The following MNAT1 variants were observed in gnomAD, a reference collection of about 807,000 sequenced individuals.
MNAT1 encodes the protein MNAT1 component of CDK activating kinase, also known as CDK-activating kinase assembly factor MAT1.
In MNAT1, 43 loss-of-function variants were observed where a neutral mutation model predicts 42.0. That is an observed-to-expected ratio of 1.02 (90% confidence interval 0.80 to 1.32). The LOEUF is 1.32. Among genes scored for constraint, MNAT1 ranks in the 40% most tolerant of loss-of-function variants. The pLI is 0.00. For synonymous variants in MNAT1, 118 were observed against 120.0 expected (o/e 0.98, Z 0.11); for missense variants, 306 against 350.4 (o/e 0.87, Z 1.01).
chr14:60,799,638 G>C (rs963177878), intron 3 of MNAT1, among the ~76,000 whole-genome samples: 2 of 151,774 alleles, frequency 1.3e-5, no homozygotes, highest in Non-Finnish European at 2.9e-5. Flanking sequence ...AGGTTTAGGG[G>C]ATGAACTACA....
chr14:60,802,056 C>G (rs2032219672), intron 3 of MNAT1, among the ~76,000 whole-genome samples: 1 of 152,092 alleles, frequency 6.6e-6, no homozygotes, highest in South Asian at 2.1e-4. Flanking sequence ...TCACTTATAT[C>G]TGGAATCTAA....
intron 5 of MNAT1, among the ~76,000 whole-genome samples, chr14:60,815,498 A>AG (rs929732001): frequency 3.9e-5 from 6 of 152,150 alleles, no homozygotes; most frequent in Non-Finnish European, 5.9e-5. Context: ...TACTGGTGTG[A>AG]GCCACCGCGC....
At chr14:60,967,686 T>G (rs920974550) in intron 7 of MNAT1, among the ~76,000 whole-genome samples, 3 of 152,254 alleles carry the variant, frequency 2.0e-5, no homozygotes, top group Non-Finnish European at 1.5e-5. Flanking sequence ...CTTCAACATG[T>G]AATTTTCTAA....
At chr14:60,781,596 T>G (rs1253102609) in intron 1 of MNAT1, among the ~76,000 whole-genome samples, 1 of 152,282 alleles carries the variant, frequency 6.6e-6, no homozygotes, top group African/African-American at 2.4e-5. Context: ...CCACCACACC[T>G]GGCCTTAAAT....
intron 7 of MNAT1, among the ~76,000 whole-genome samples, chr14:60,916,062 T>G (rs1219695251): frequency 1.3e-5 from 2 of 152,198 alleles, no homozygotes; most frequent in African/African-American, 4.8e-5. Context: ...CAGGTCTTCT[T>G]CCTTAGGAAG....
At chr14:60,856,900 C>T (rs533025616) in intron 6 of MNAT1, among the ~76,000 whole-genome samples, 1 of 152,148 alleles carries the variant, frequency 6.6e-6, no homozygotes, top group African/African-American at 2.4e-5. Context: ...AGGCTGGTCT[C>T]GAACTCCTCA....
intron 3 of MNAT1, among the ~76,000 whole-genome samples, chr14:60,807,742 TCTTTTA>T (rs2032417778): frequency 6.6e-6 from 1 of 152,128 alleles, no homozygotes; most frequent in Non-Finnish European, 1.5e-5. Context: ...CTTAAGAAAT[TCTTTTA>T]CTTTAAGTTT....
At chr14:60,868,954 T>A (rs1284463002) in intron 6 of MNAT1, among the ~76,000 whole-genome samples, 1 of 150,814 alleles carries the variant, frequency 6.6e-6, no homozygotes, top group Non-Finnish European at 1.5e-5. Flanking sequence ...AACGTGATCA[T>A]CTTGCAGTTG....
rs553499320 is a variant in MNAT1, at chr14:60,908,821, T to C, written c.809+28986T>C. Among the ~76,000 whole-genome samples, 296 of 152,252 alleles carry C rather than the reference T, an allele frequency of 1.9e-3. 1 individual carries two copies. The highest frequency in any genetic ancestry group is 6.5e-3 in the African/African-American group (269 of 41,574). ...TCTTTATAGCAGCATGATTTATAAT[T>C]CTTTGGGTATATACCCAGTAATGGG... On this transcript the variant is annotated intron_variant, in intron 7 of 7. Transcript: ENST00000261245.
chr14:60,757,126 A>G (rs1342870763), intron 1 of MNAT1, among the ~76,000 whole-genome samples: 1 of 152,172 alleles, frequency 6.6e-6, no homozygotes, highest in Non-Finnish European at 1.5e-5. Flanking sequence ...GTTGTTCAGA[A>G]ACATAACACA....
At chr14:60,943,964 T>C (rs978500902) in intron 7 of MNAT1, among the ~76,000 whole-genome samples, 4 of 152,232 alleles carry the variant, frequency 2.6e-5, no homozygotes, top group African/African-American at 4.8e-5. Flanking sequence ...AAGTTTTGTA[T>C]ATAGGATGAA....
chr14:60,836,207 T>C (rs1215111082), intron 6 of MNAT1, among the ~76,000 whole-genome samples: 3 of 152,126 alleles, frequency 2.0e-5, no homozygotes, highest in African/African-American at 7.2e-5. Context: ...GAGGAGTTTG[T>C]TATTATCCAC....
At chr14:60,913,684 G>A (rs2035441916) in intron 7 of MNAT1, among the ~76,000 whole-genome samples, 1 of 152,100 alleles carries the variant, frequency 6.6e-6, no homozygotes, top group South Asian at 2.1e-4. Flanking sequence ...TCATTCCTCT[G>A]GAAGTTTTGT....
chr14:60,914,037 C>A (rs561422458), intron 7 of MNAT1, among the ~76,000 whole-genome samples: 1 of 152,298 alleles, frequency 6.6e-6, no homozygotes, highest in African/African-American at 2.4e-5. Context: ...GGTGCCCCTC[C>A]CCCAGCCTCG....
At chr14:60,823,112 C>T (rs2032947235) in intron 6 of MNAT1, among the ~76,000 whole-genome samples, 1 of 152,140 alleles carries the variant, frequency 6.6e-6, no homozygotes, top group South Asian at 2.1e-4. Flanking sequence ...ATTTAATAAA[C>T]CTCCCTCTAC....
chr14:60,827,785 CTT>C (rs2033096250), intron 6 of MNAT1, among the ~76,000 whole-genome samples: 1 of 152,164 alleles, frequency 6.6e-6, no homozygotes, highest in East Asian at 1.9e-4. Context: ...TAATAATAGT[CTT>C]ATCAGATCTT....
intron 1 of MNAT1, among the ~76,000 whole-genome samples, chr14:60,746,514 CA>C (rs11296750): frequency 0.19 from 24,091 of 126,332 alleles, 2,513 homozygotes; most frequent in Middle Eastern, 0.28. Context: ...GACTCTGTCT[CA>C]AAAAAAAAAA....
rs200807614 is a variant in MNAT1 at position 60,860,299 on chromosome 14, AATTT to A, written c.688-19405_688-19402del. 1.8e-3 allele frequency among the ~76,000 whole-genome samples: 268 copies of A among 151,456 alleles called. No homozygotes were observed. The East Asian group carries it at 0.029, about 16-fold the overall frequency. On this transcript the variant is annotated intron_variant, in intron 6 of 7. Coordinates refer to ENST00000261245, the MANE Select transcript of MNAT1 (RefSeq NM_002431.4). ...GTAGACAGTTCTTTTATATCCTTTA[AATTT>A]ATTTATTTAATTCTTTACAAGTAAA...
intron 3 of MNAT1, among the ~76,000 whole-genome samples, chr14:60,802,298 G>A (rs1379245412): frequency 6.6e-6 from 1 of 152,114 alleles, no homozygotes; most frequent in East Asian, 1.9e-4. Context: ...ATAATGTATT[G>A]TATATTTCAA....
Sources: allele counts gnomAD v4.1 joint callset (sites outside exome capture counted in the v4.1 genomes callset), GRCh38; gene constraint gnomAD v4.1.1; transcripts MANE v1.5; gene names NCBI Gene and HGNC (gene_info 2026-07-23, HGNC 2026-07-21).